Variants in HTR4 observed in about 807,000 individuals in gnomAD.
The protein encoded by HTR4 is 5-hydroxytryptamine receptor 4, also known as 5-hydroxytryptamine (serotonin) receptor 4, G protein-coupled.
A neutral mutation model predicts 36.8 loss-of-function variants in HTR4; 16 were observed. The ratio of observed to expected loss-of-function variants is 0.43; its 90% CI spans 0.29 to 0.66. HTR4 has a LOEUF of 0.66. Ranked by LOEUF, HTR4 falls within the 30% of genes least tolerant of loss-of-function variation. The pLI, the probability that HTR4 is intolerant of heterozygous loss-of-function variation, is 0.13. For synonymous variants in HTR4, 189 were observed against 185.1 expected, an observed-to-expected ratio of 1.02 and a Z score of -0.17; for missense variants, 438 against 490.9, an observed-to-expected ratio of 0.89 and a Z score of 1.02.
intron 4 of HTR4, among the ~76,000 whole-genome samples, chr5:148,545,726 C>T (rs1759357429): frequency 6.6e-6 from 1 of 152,020 alleles, no homozygotes; most frequent in African/African-American, 2.4e-5. Flanking sequence ...GCAACTCGGG[C>T]CTGGAGGTGA....
downstream of HTR4, among the ~76,000 whole-genome samples, chr5:148,477,577 C>A (rs1380211086): frequency 6.6e-6 from 1 of 152,174 alleles, no homozygotes; most frequent in Non-Finnish European, 1.5e-5. Flanking sequence ...ACATTAACTT[C>A]TCTGACGTAC....
chr5:148,561,407 C>T (rs1037648375), intron 2 of HTR4, among the ~76,000 whole-genome samples: 1 of 152,172 alleles, frequency 6.6e-6, no homozygotes, highest in Non-Finnish European at 1.5e-5. Context: ...CCCACTGCTG[C>T]ACAGCATGTT....
At chr5:148,568,590 C>T (rs898287932) in intron 2 of HTR4, among the ~76,000 whole-genome samples, 2 of 151,990 alleles carry the variant, frequency 1.3e-5, no homozygotes, top group African/African-American at 4.8e-5. Context: ...TTATAAGTAG[C>T]CAGGAAATTG....
intron 2 of HTR4, among the ~76,000 whole-genome samples, chr5:148,634,607 C>G (rs1200716232): frequency 2.0e-5 from 3 of 152,084 alleles, no homozygotes; most frequent in African/African-American, 4.8e-5. Flanking sequence ...CATAGCCAAG[C>G]TAGAAAATTT....
intron 5 of HTR4, among the ~76,000 whole-genome samples, chr5:148,463,583 T>C (rs1415118135): frequency 6.6e-6 from 1 of 152,096 alleles, no homozygotes; most frequent in African/African-American, 2.4e-5. Flanking sequence ...AATACGAACA[T>C]AAATGGAGAT....
At chr5:148,484,455 G>A (rs1756054658) in intron 6 of HTR4, 2 of 1,372,536 alleles carry the variant, frequency 1.5e-6, no homozygotes, top group African/African-American at 2.9e-5. Flanking sequence ...ATGAGTCTAT[G>A]GTTTCTGGAG....
At chr5:148,562,647 T>C (rs1340023996) in intron 2 of HTR4, among the ~76,000 whole-genome samples, 3 of 152,170 alleles carry the variant, frequency 2.0e-5, no homozygotes, top group East Asian at 3.9e-4. Flanking sequence ...AAATTCTTAG[T>C]ATATGAGACA....
chr5:148,629,538 G>A (rs75098848), intron 2 of HTR4: 17,230 of 152,222 alleles, frequency 0.11, 1,167 homozygotes, highest in African/African-American at 0.19. Flanking sequence ...GTATGCCTCA[G>A]TGGAACTGAT....
At chr5:148,643,093 T>C (rs941275685) in intron 1 of HTR4, among the ~76,000 whole-genome samples, 18 of 152,220 alleles carry the variant, frequency 1.2e-4, no homozygotes, top group African/African-American at 4.3e-4. Flanking sequence ...TTTGCATAAC[T>C]GAATATCCAA....
chr5:148,555,178 T>C (rs1217259726), intron 2 of HTR4, among the ~76,000 whole-genome samples: 1 of 152,164 alleles, frequency 6.6e-6, no homozygotes, highest in African/African-American at 2.4e-5. Flanking sequence ...TTTTTGTCTA[T>C]GGACTGTGAT....
chr5:148,557,543 C>A (rs1760010408), intron 2 of HTR4, among the ~76,000 whole-genome samples: 1 of 151,818 alleles, frequency 6.6e-6, no homozygotes, highest in Non-Finnish European at 1.5e-5. Context: ...GAATTGCCAG[C>A]ACTTCTATGG....
chr5:148,466,686 T>G (rs1340027817), intron 5 of HTR4, among the ~76,000 whole-genome samples: 1 of 152,180 alleles, frequency 6.6e-6, no homozygotes, highest in Non-Finnish European at 1.5e-5. Flanking sequence ...TCTGTCAGAG[T>G]GTTACAGTGA....
At chr5:148,542,248 G>C (rs1039631008) in intron 4 of HTR4, among the ~76,000 whole-genome samples, 1 of 152,194 alleles carries the variant, frequency 6.6e-6, no homozygotes, top group South Asian at 2.1e-4. Context: ...ATGTGAGAAG[G>C]AGAAACTTTT....
At chr5:148,535,134 T>A (rs868657167) in intron 4 of HTR4, among the ~76,000 whole-genome samples, 29 of 152,162 alleles carry the variant, frequency 1.9e-4, no homozygotes, top group African/African-American at 6.5e-4. Context: ...CTCATTTATA[T>A]ACCCACCTCT....
chr5:148,600,996 A>G, intron 2 of HTR4, among the ~76,000 whole-genome samples: 1 of 148,378 alleles, frequency 6.7e-6, no homozygotes, highest in Non-Finnish European at 1.5e-5. Flanking sequence ...AAAAAAAAAA[A>G]AAAAAAACAA....
chr5:148,531,677 T>A (rs758619404), intron 4 of HTR4, among the ~76,000 whole-genome samples: 3 of 152,226 alleles, frequency 2.0e-5, no homozygotes, highest in Admixed American at 6.5e-5. Context: ...CTTAAGGGCA[T>A]CCTAAAGTTA....
intron 5 of HTR4, chr5:148,451,393 G>A: frequency 2.0e-6 from 3 of 1,524,314 alleles, no homozygotes; most frequent in South Asian, 1.2e-5. Flanking sequence ...GTATGGTGAA[G>A]TGGGAGTGGG....
chr5:148,500,224 T>G (rs111660496), intron 6 of HTR4, among the ~76,000 whole-genome samples: 3 of 151,838 alleles, frequency 2.0e-5, no homozygotes, highest in African/African-American at 4.8e-5. Flanking sequence ...CTCAGAGGAG[T>G]GTTATGCCCT....
intron 5 of HTR4, among the ~76,000 whole-genome samples, chr5:148,522,859 G>A (rs1250257275): frequency 1.3e-5 from 2 of 152,116 alleles, no homozygotes; most frequent in Non-Finnish European, 2.9e-5. Context: ...AGATGGTGGA[G>A]GGTGAAGAAC....
Sources: allele counts gnomAD v4.1 joint callset (sites outside exome capture counted in the v4.1 genomes callset), GRCh38; gene constraint gnomAD v4.1.1; transcripts MANE v1.5; gene names NCBI Gene and HGNC (gene_info 2026-07-23, HGNC 2026-07-21).